Variants in SNX27 observed in about 807,000 individuals in gnomAD.
SNX27 encodes the protein sorting nexin-27.
SNX27 carries 22 observed loss-of-function variants against 71.6 expected under a neutral mutation model. That is an observed-to-expected ratio of 0.31 (90% confidence interval 0.22 to 0.44). The LOEUF (loss-of-function observed/expected upper bound fraction) is 0.44. Ranked by LOEUF, SNX27 falls within the 20% of genes least tolerant of loss-of-function variation. The pLI, the probability that SNX27 is intolerant of heterozygous loss-of-function variation, is 1.00. For synonymous variants in SNX27, 269 were observed against 277.2 expected, an observed-to-expected ratio of 0.97 and a Z score of 0.29; for missense variants, 531 against 698.6, an observed-to-expected ratio of 0.76 and a Z score of 2.70.
At chr1:151,615,097 C>T (rs1667368623) in intron 1 of SNX27, among the ~76,000 whole-genome samples, 1 of 152,182 alleles carries the variant, frequency 6.6e-6, no homozygotes, top group Non-Finnish European at 1.5e-5. Flanking sequence ...TTTGGCACAT[C>T]CTTTGTGGTA....
At position 151,695,804 on chromosome 1, in the gene SNX27, A is replaced by C. The variant is rs1671674958; in HGVS notation, c.*1387A>C. 6.6e-6 allele frequency: 1 copy of C among 152,200 alleles called. No homozygotes were observed. Among genetic ancestry groups the C allele is most frequent in the African/African-American group, 2.4e-5 (1 of 41,438 alleles). The allele number at this position is 152,200 out of a possible 1,614,324, so 9.4% of individuals were successfully genotyped here. ...AGGCACACAGGTTGGACTTACATAG[A>C]GGAAAGAAAGCAAGAAATGCCCTAT... On this transcript the variant is annotated 3_prime_UTR_variant, in exon 12 of 12. Coordinates refer to ENST00000458013, the MANE Select transcript of SNX27 (RefSeq NM_001330723.2).
At chr1:151,683,323 C>T in intron 7 of SNX27, 33 bp from the exon 8 acceptor site, 1 of 1,534,046 alleles carries the variant, frequency 6.5e-7, no homozygotes, top group South Asian at 1.2e-5. Context: ...GATTTTTACA[C>T]TCCTTTCTGC....
intron 7 of SNX27, among the ~76,000 whole-genome samples, chr1:151,671,166 A>G (rs758498588): frequency 6.6e-4 from 99 of 150,782 alleles, no homozygotes; most frequent in Admixed American, 9.3e-4. Context: ...TGCCAGTACC[A>G]TGCTGTTTTT....
At chr1:151,675,193 G>A (rs923792184) in intron 7 of SNX27, among the ~76,000 whole-genome samples, 4 of 151,256 alleles carry the variant, frequency 2.6e-5, no homozygotes, top group Admixed American at 6.6e-5. Flanking sequence ...TTATATATCC[G>A]TGTTCCAGAT....
chr1:151,681,564 A>G (rs987011403), intron 7 of SNX27, among the ~76,000 whole-genome samples: 1 of 152,004 alleles, frequency 6.6e-6, no homozygotes, highest in African/African-American at 2.4e-5. Flanking sequence ...TCTTGAACTC[A>G]TTTGCCTATC....
chr1:151,639,545 T>A (rs1380891180), intron 2 of SNX27, among the ~76,000 whole-genome samples: 1 of 152,114 alleles, frequency 6.6e-6, no homozygotes, highest in Non-Finnish European at 1.5e-5. Flanking sequence ...AATAGAGAGG[T>A]TCACCCATTT....
chr1:151,655,734 A>G (rs760126110), intron 2 of SNX27, among the ~76,000 whole-genome samples: 2 of 152,150 alleles, frequency 1.3e-5, no homozygotes, highest in Non-Finnish European at 2.9e-5. Context: ...GGTTGTATTT[A>G]ATGGGAGGTT....
intron 2 of SNX27, among the ~76,000 whole-genome samples, chr1:151,641,297 A>AT (rs1442860218): frequency 1.3e-5 from 2 of 152,116 alleles, no homozygotes; most frequent in Non-Finnish European, 2.9e-5. Flanking sequence ...CAAAGTGGCT[A>AT]TATCATTTTT....
intron 8 of SNX27, 74 bp from the exon 9 acceptor site, chr1:151,692,361 T>G (rs891788892): frequency 9.0e-5 from 129 of 1,439,266 alleles, no homozygotes; most frequent in Non-Finnish European, 1.1e-4. Flanking sequence ...AATAGCTCTT[T>G]ATTGTGTTTA....
chr1:151,693,793 T>C (rs1571882859), intron 11 of SNX27: 41 of 1,457,810 alleles, frequency 2.8e-5, no homozygotes, highest in Non-Finnish European at 3.7e-5. Flanking sequence ...TCACCCTCCA[T>C]GTTGTTCCTG....
chr1:151,660,604 C>T (rs1028659877), intron 3 of SNX27, 194 bp from the exon 4 acceptor site: 5 of 543,972 alleles, frequency 9.2e-6, no homozygotes, highest in African/African-American at 7.6e-5. Flanking sequence ...TTTCTTTGTT[C>T]TGATCATATT....
At chr1:151,657,472 C>T (rs1039568055) in intron 2 of SNX27, among the ~76,000 whole-genome samples, 8 of 152,112 alleles carry the variant, frequency 5.3e-5, no homozygotes, top group East Asian at 3.9e-4. Flanking sequence ...GTGCCCAGGC[C>T]GCTTACATCA....
intron 7 of SNX27, among the ~76,000 whole-genome samples, chr1:151,672,795 C>T (rs748145976): frequency 2.6e-5 from 4 of 151,772 alleles, no homozygotes; most frequent in Non-Finnish European, 4.4e-5. Flanking sequence ...ATCATAGTAG[C>T]CACAAATGAT....
intron 2 of SNX27, among the ~76,000 whole-genome samples, chr1:151,654,122 T>A (rs1320070161): frequency 6.6e-6 from 1 of 152,184 alleles, no homozygotes; most frequent in Non-Finnish European, 1.5e-5. Context: ...TGAGCCACCG[T>A]GCCCGGCCGA....
chr1:151,662,109 C>A, intron 4 of SNX27, 57 bp from the exon 5 acceptor site: 3 of 1,225,408 alleles, frequency 2.4e-6, no homozygotes, highest in Non-Finnish European at 2.4e-6. Context: ...TAGCTTGTTA[C>A]AGGGAGAGTG....
chr1:151,664,463 G>A (rs1670104991), intron 5 of SNX27, among the ~76,000 whole-genome samples: 1 of 151,704 alleles, frequency 6.6e-6, no homozygotes. Context: ...TCTTACCCTA[G>A]ATATCTAGAA....
chr1:151,656,198 T>C (rs1454465145), intron 2 of SNX27, among the ~76,000 whole-genome samples: 1 of 122,548 alleles, frequency 8.2e-6, no homozygotes, highest in Admixed American at 1.1e-4. Flanking sequence ...ACTCTTAGCC[T>C]GGGTGACAGA....
At chr1:151,635,323 A>G (rs1668417607) in intron 1 of SNX27, among the ~76,000 whole-genome samples, 1 of 152,202 alleles carries the variant, frequency 6.6e-6, no homozygotes, top group African/African-American at 2.4e-5. Flanking sequence ...TTGAGATTTA[A>G]TGAGATAAAG....
intron 7 of SNX27, among the ~76,000 whole-genome samples, chr1:151,671,939 C>T: frequency 6.6e-6 from 1 of 152,104 alleles, no homozygotes; most frequent in East Asian, 1.9e-4. Flanking sequence ...AAGATCATAT[C>T]ATCTGCAAAC....
Sources: gnomAD v4.1 joint callset for allele counts (sites outside exome capture counted in the v4.1 genomes callset) on GRCh38, gnomAD v4.1.1 for gene constraint, MANE v1.5 for transcripts, NCBI Gene and HGNC (gene_info 2026-07-23, HGNC 2026-07-21) for gene names.